The following WNT5A variants were observed in gnomAD, a reference collection of about 807,000 sequenced individuals.
WNT5A encodes Wnt family member 5A, also known as protein Wnt-5a.
Under a neutral mutation model 42.1 loss-of-function variants are expected in WNT5A, and 9 were observed. The ratio of observed to expected loss-of-function variants is 0.21; its 90% CI spans 0.13 to 0.37. WNT5A has a LOEUF of 0.37. WNT5A is among the 10% of genes least tolerant of loss of function. The pLI is 1.00. For synonymous variants in WNT5A, 210 were observed against 210.0 expected (o/e 1.00, Z 0.00); for missense variants, 426 against 534.0 (o/e 0.80, Z 1.99).
upstream of WNT5A, chr3:55,489,916 C>G (rs959606253): frequency 6.6e-6 from 1 of 152,388 alleles, no homozygotes; most frequent in African/African-American, 2.4e-5. Context: ...TCCCCCTCTC[C>G]CTTGCCGTTC....
Position 55,466,614 on chromosome 3 carries a change from T to C in WNT5A, c.*3478A>G, listed in dbSNP as rs2051147927. 1 of 152,602 alleles carries C rather than the reference T, an allele frequency of 6.6e-6. No homozygotes were observed. Among genetic ancestry groups the C allele is most frequent in the Non-Finnish European group, 1.5e-5 (1 of 68,038 alleles). 9.5% of individuals were successfully genotyped at this position (152,602 alleles called of 1,614,324 possible). On this transcript the variant is annotated 3_prime_UTR_variant, in exon 5 of 5. Transcript: ENST00000264634. ...TTTCTATTTGAGCCCATAATGACTA[T>C]TTTGAACATGGCTCTTTTGCTGCTG...
chr3:55,481,979 C>G (rs1021513099), intron 1 of WNT5A, among the ~76,000 whole-genome samples: 1 of 152,246 alleles, frequency 6.6e-6, no homozygotes, highest in African/African-American at 2.4e-5. Context: ...TGGTCCTGAT[C>G]TGGGGTTGTG....
chr3:55,480,659 G>C, intron 2 of WNT5A, 126 bp downstream of exon 2: 4 of 994,236 alleles, frequency 4.0e-6, no homozygotes, highest in Non-Finnish European at 5.5e-6. Context: ...TAAGTAAAAT[G>C]TATACATATG....
chr3:55,501,878 T>C, the WNT5A span: 2 of 152,240 alleles, frequency 1.3e-5, no homozygotes, highest in African/African-American at 4.8e-5. Flanking sequence ...TTCCTTTCTG[T>C]CCACCTGAGT....
At chr3:55,498,675 G>T in the WNT5A span, among the ~76,000 whole-genome samples, 1 of 152,132 alleles carries the variant, frequency 6.6e-6, no homozygotes, top group Non-Finnish European at 1.5e-5. Flanking sequence ...GGTGGGGCTA[G>T]CTCCACCCCC....
chr3:55,481,121 A>C, intron 1 of WNT5A: 1 of 696,796 alleles, frequency 1.4e-6, no homozygotes. Flanking sequence ...AGGAAATCTG[A>C]TTTCGCTGGG....
chr3:55,488,496 AGG>A (rs5849100), upstream of WNT5A, among the ~76,000 whole-genome samples: 11 of 145,260 alleles, frequency 7.6e-5, no homozygotes, highest in South Asian at 2.0e-3. Flanking sequence ...GAGAGAGGGA[AGG>A]GGGGGGAAGA....
the WNT5A span, among the ~76,000 whole-genome samples, chr3:55,503,089 A>G: frequency 6.6e-6 from 1 of 152,180 alleles, no homozygotes; most frequent in Non-Finnish European, 1.5e-5. Context: ...CTTCCCTGTC[A>G]TTGGCAACAG....
At chr3:55,482,402 G>C (rs1475778596) in intron 1 of WNT5A, among the ~76,000 whole-genome samples, 1 of 152,176 alleles carries the variant, frequency 6.6e-6, no homozygotes, top group Admixed American at 6.5e-5. Flanking sequence ...GCACTGCATC[G>C]CCCATAGCCC....
Position 55,468,595 on chromosome 3 carries a change from T to C in WNT5A, c.*1497A>G, listed in dbSNP as rs1282425782. The stretch of plus-strand genomic sequence containing the variant: ...AGAGAAATAACCCCAGAGTAAACTG[T>C]AAATCTAAATCACTGGCTGCAATGA... On this transcript the variant is annotated 3_prime_UTR_variant, in exon 5 of 5. Coordinates refer to ENST00000264634, the MANE Select transcript of WNT5A (RefSeq NM_003392.7). The C allele has an allele frequency of 6.6e-6, 1 of 151,624 alleles. No homozygotes were observed. The highest frequency in any genetic ancestry group is 2.4e-5 in the African/African-American group (1 of 41,332). The allele number at this position is 151,624 out of a possible 1,614,324, so 9.4% of individuals were successfully genotyped here. A position where few individuals can be genotyped will look rare whatever the true frequency, so the allele number is the denominator to read the frequency against.
intron 3 of WNT5A, among the ~76,000 whole-genome samples, chr3:55,474,848 G>A (rs1177454225): frequency 3.6e-4 from 39 of 109,038 alleles, no homozygotes; most frequent in Non-Finnish European, 5.6e-4. Flanking sequence ...GTAGGAGGTG[G>A]GGAAGCAAGA....
Position 55,485,277 on chromosome 3 carries a change from C to A in WNT5A, c.6+1703G>T, listed in dbSNP as rs1230798787. 5.3e-5 allele frequency among the ~76,000 whole-genome samples: 8 copies of A among 151,166 alleles called. No individual in the cohort carries two copies. In the East Asian group the frequency reaches 1.4e-3, roughly 26 times the overall value. ...AAGGCGGCCAACAGGGGGCAGCCGG[C>A]ACCGCACCGCGGGGAAGAAAAGGCC... On this transcript the variant is annotated intron_variant, in intron 1 of 4. Coordinates refer to ENST00000264634, the MANE Select transcript of WNT5A (RefSeq NM_003392.7).
chr3:55,472,203 C>T (rs1240226105), intron 4 of WNT5A, among the ~76,000 whole-genome samples: 1 of 152,118 alleles, frequency 6.6e-6, no homozygotes, highest in African/African-American at 2.4e-5. Flanking sequence ...AAACTCGCTA[C>T]TAAAAAAATG....
intron 3 of WNT5A, among the ~76,000 whole-genome samples, chr3:55,476,651 A>C (rs761916554): frequency 4.6e-5 from 7 of 152,258 alleles, no homozygotes; most frequent in Non-Finnish European, 1.0e-4. Context: ...ATTTCCTTTT[A>C]TGCCGCAGAA....
chr3:55,486,605 T>C (rs1462541117), intron 1 of WNT5A, among the ~76,000 whole-genome samples: 1 of 152,228 alleles, frequency 6.6e-6, no homozygotes, highest in African/African-American at 2.4e-5. Context: ...TTGGTAAATA[T>C]TTGTTGAATT....
chr3:55,480,845 A>G lies in WNT5A; in HGVS notation c.80T>C (p.Leu27Pro), dbSNP rs149311661. Residue 27 changes from leucine (L) to proline (P), a missense_variant, in exon 2 of 5, where the codon CTA becomes CCA. Physicochemically the swap from Leu to Pro is moderately conservative, Grantham distance 98. Coordinates refer to ENST00000264634, the MANE Select transcript of WNT5A (RefSeq NM_003392.7). ...AGSAMSSKFF[L>P]VALAIFFSFA... The stretch of plus-strand genomic sequence containing the variant: ...GGAGAAAAATATGGCCAAAGCCACT[A>G]GGAAGAACTTGGAAGACATTGCACT... The G allele has an allele frequency of 1.3e-6, 2 of 1,587,608 alleles. No individual in the cohort carries two copies. The highest frequency in any genetic ancestry group is 1.3e-5 in the African/African-American group (1 of 74,550).
chr3:55,475,335 A>T (rs1166034677), intron 3 of WNT5A, among the ~76,000 whole-genome samples: 1 of 152,146 alleles, frequency 6.6e-6, no homozygotes, highest in Non-Finnish European at 1.5e-5. Context: ...TCTAAGGGAG[A>T]CACTGCCAGC....
At chr3:55,492,219 T>C (rs1320258971), upstream of WNT5A, among the ~76,000 whole-genome samples, 11 of 107,518 alleles carry the variant, frequency 1.0e-4, no homozygotes, top group East Asian at 2.5e-3. Flanking sequence ...TCATAGTCAA[T>C]GGTGCTTTGT....
chr3:55,494,196 G>C (rs994266390), upstream of WNT5A: 3 of 152,062 alleles, frequency 2.0e-5, no homozygotes, highest in Non-Finnish European at 2.9e-5. Flanking sequence ...ATTTATTTTT[G>C]GAATTGTCAA....
Sources: allele counts gnomAD v4.1 joint callset (sites outside exome capture counted in the v4.1 genomes callset), GRCh38; gene constraint gnomAD v4.1.1; transcripts MANE v1.5; gene names NCBI Gene and HGNC (gene_info 2026-07-23, HGNC 2026-07-21).